The following PTGER2 variants were observed in gnomAD, a reference collection of about 807,000 sequenced individuals.
The protein encoded by PTGER2 is prostaglandin E receptor 2.
In PTGER2, 22 loss-of-function variants were observed where a neutral mutation model predicts 26.2. That is an observed-to-expected ratio of 0.84 (90% CI 0.60 to 1.20). The LOEUF is 1.20. Ranked by LOEUF, PTGER2 falls within the 50% of genes most tolerant of loss-of-function variation. The pLI, the probability that PTGER2 is intolerant of heterozygous loss-of-function variation, is 0.00. For missense variants in PTGER2, 458 were observed against 475.2 expected (o/e 0.96, Z 0.34); for synonymous variants, 219 against 208.9 (o/e 1.05, Z -0.42).
chr14:52,323,494 C>A (rs890067826), intron 1 of PTGER2, among the ~76,000 whole-genome samples: 1 of 152,082 alleles, frequency 6.6e-6, no homozygotes, highest in Non-Finnish European at 1.5e-5. Context: ...CCTCAGGTGA[C>A]CTGCCTGCCT....
Position 52,314,369 on chromosome 14 carries a change from G to T in PTGER2, c.-180G>T. The T allele has an allele frequency of 1.5e-6, 1 of 670,172 alleles. No homozygotes were observed. Among genetic ancestry groups the T allele is most frequent in the Non-Finnish European group, 2.1e-6 (1 of 476,526 alleles). The allele number at this position is 670,172 out of a possible 1,614,324, so 41.5% of individuals were successfully genotyped here. A position where few individuals can be genotyped will look rare whatever the true frequency, so the allele number is the denominator to read the frequency against. ...GGATGCAGCAGCCGAGCCGCCACTC[G>T]GCGCGCGGCGGGAGACCCAGGGCAA... On this transcript the variant is annotated 5_prime_UTR_variant, in exon 1 of 2. Coordinates refer to ENST00000245457, the MANE Select transcript of PTGER2 (RefSeq NM_000956.4). The surrounding 1 kb of genome is among the most constrained non-coding windows in gnomAD (Gnocchi z 5.7).
In PTGER2 at chr14:52,315,337, C is replaced by T. The variant is rs768240964; in HGVS notation, c.789C>T (p.Leu263=). The change falls in exon 1 of 2, where the codon CTC becomes CTT. Residue 263 remains leucine, a synonymous_variant. Coordinates refer to ENST00000245457, the MANE Select transcript of PTGER2 (RefSeq NM_000956.4). ...RVSMAEETDH[L]ILLAIMTITF... is the part of the protein sequence containing the mutation. ...CCATGGCGGAGGAGACGGACCACCT[C>T]ATTCTCCTGGCTATCATGACCATCA... The T allele has an allele frequency of 1.2e-6, 2 of 1,613,404 alleles. No homozygotes were observed. The highest frequency in any genetic ancestry group is 1.7e-5 in the Admixed American group (1 of 59,980).
intron 1 of PTGER2, among the ~76,000 whole-genome samples, chr14:52,321,030 C>A (rs2033889422): frequency 6.6e-6 from 1 of 152,166 alleles, no homozygotes; most frequent in South Asian, 2.1e-4. Context: ...TTAAGAGCCA[C>A]CATCTTGGAA....
chr14:52,315,634 G>C (rs1400914634), intron 1 of PTGER2, among the ~76,000 whole-genome samples: 4 of 151,952 alleles, frequency 2.6e-5, no homozygotes, highest in Non-Finnish European at 5.9e-5. Context: ...CGTCCGAAAG[G>C]GAGTCCTGGG....
At chr14:52,319,426 A>G (rs562989008) in intron 1 of PTGER2, among the ~76,000 whole-genome samples, 17 of 152,362 alleles carry the variant, frequency 1.1e-4, no homozygotes, top group African/African-American at 4.1e-4. Flanking sequence ...TTAAGTGACC[A>G]AAAACCATGT....
At chr14:52,320,486 G>C (rs114905919) in intron 1 of PTGER2, among the ~76,000 whole-genome samples, 1,685 of 152,070 alleles carry the variant, frequency 0.011, 32 homozygotes, top group African/African-American at 0.038. Context: ...TTTCTTCTTT[G>C]GCATATCAAA....
At chr14:52,326,304 G>A (rs886727940) in intron 1 of PTGER2, among the ~76,000 whole-genome samples, 1 of 152,222 alleles carries the variant, frequency 6.6e-6, no homozygotes, top group African/African-American at 2.4e-5. Flanking sequence ...CATCAGGAGA[G>A]TTGGAATTTG....
At position 52,315,369 on chromosome 14, in the gene PTGER2, C is replaced by T. The variant is rs760988317; in HGVS notation, c.821C>T (p.Ala274Val). 1.2e-6 allele frequency: 2 copies of T among 1,613,352 alleles called. No individual in the cohort carries two copies. The highest frequency in any genetic ancestry group is 8.5e-7 in the Non-Finnish European group (1 of 1,179,992). Reference sequence around the variant, plus strand: ...CTGGCTATCATGACCATCACCTTCGCCGTCTGCTCCTTGCCTTTCACGGTA... The same window carrying T: ...CTGGCTATCATGACCATCACCTTCGTCGTCTGCTCCTTGCCTTTCACGGTA... ...ILLAIMTITF[A>V]VCSLPFTIFA... Residue 274 changes from alanine to valine, a missense_variant, in exon 1 of 2, where the codon GCC becomes GTC. Coordinates refer to ENST00000245457, the MANE Select transcript of PTGER2 (RefSeq NM_000956.4).
chr14:52,320,510 A>G (rs191111012), intron 1 of PTGER2, among the ~76,000 whole-genome samples: 1 of 152,300 alleles, frequency 6.6e-6, no homozygotes, highest in East Asian at 1.9e-4. Context: ...CAATCACAGT[A>G]TTAAGTTTAA....
chr14:52,314,587 C>A lies in PTGER2; in HGVS notation c.39C>A (p.Cys13Ter). ...NASNDSQSED[C>*]ETRQWLPPGE... The stretch of plus-strand genomic sequence containing the variant: ...CCAATGACTCCCAGTCTGAGGACTG[C>A]GAGACGCGACAGTGGCTTCCCCCAG... The change falls in exon 1 of 2, where the codon TGC (cysteine) becomes TGA (stop). Residue 13 changes from cysteine to a stop codon, truncating the protein, a stop_gained. Transcript: ENST00000245457. LOFTEE classifies it high-confidence loss of function. This position sits in a 1 kb window ranked among gnomAD's most constrained non-coding sequence, Gnocchi z 5.7. The A allele has an allele frequency of 6.6e-7, 1 of 1,508,826 alleles. No individual in the cohort carries two copies. Among genetic ancestry groups the A allele is most frequent in the Non-Finnish European group, 8.9e-7 (1 of 1,128,288 alleles). 93.5% of individuals were successfully genotyped at this position (1,508,826 alleles called of 1,614,324 possible).
rs1244735506 is a variant in PTGER2 at position 52,314,361 on chromosome 14, C to G, written c.-188C>G. ...CGCCGCTCGGATGCAGCAGCCGAGC[C>G]GCCACTCGGCGCGCGGCGGGAGACC... On this transcript the variant is annotated 5_prime_UTR_variant, in exon 1 of 2. Transcript: ENST00000245457. The surrounding 1 kb of genome is among the most constrained non-coding windows in gnomAD (Gnocchi z 5.7). 2 of 597,822 alleles carry G rather than the reference C, an allele frequency of 3.3e-6. No homozygotes were observed. The highest frequency in any genetic ancestry group is 1.9e-5 in the African/African-American group (1 of 52,022). The allele number at this position is 597,822 out of a possible 1,614,324, so 37.0% of individuals were successfully genotyped here.
rs557646384 is a variant in PTGER2 at position 52,322,098 on chromosome 14, C to T, written c.844-5123C>T. Among the ~76,000 whole-genome samples, 23 of 152,224 alleles carry T rather than the reference C, an allele frequency of 1.5e-4. No homozygotes were observed. In the East Asian group the frequency reaches 2.3e-3, roughly 15 times the overall value. On this transcript the variant is annotated intron_variant, in intron 1 of 1. Coordinates refer to ENST00000245457, the MANE Select transcript of PTGER2 (RefSeq NM_000956.4). Reference sequence around the variant, plus strand: ...TAATTAAGTTGGAGTCTCTGGGTATCGGGGGAACTCACCCCCAATATTTCA... The same window carrying T: ...TAATTAAGTTGGAGTCTCTGGGTATTGGGGGAACTCACCCCCAATATTTCA...
intron 1 of PTGER2, among the ~76,000 whole-genome samples, chr14:52,326,220 G>C (rs370540654): frequency 6.6e-6 from 1 of 152,200 alleles, no homozygotes; most frequent in East Asian, 1.9e-4. Flanking sequence ...CAGCTTTCCA[G>C]TGTTCAGGAC....
In PTGER2 at chr14:52,314,380, G is replaced by C. The variant is rs1163183399; in HGVS notation, c.-169G>C. 4 of 753,180 alleles carry C rather than the reference G, an allele frequency of 5.3e-6. No homozygotes were observed. The highest frequency in any genetic ancestry group is 3.6e-5 in the African/African-American group (2 of 54,894). 46.7% of individuals were successfully genotyped at this position (753,180 alleles called of 1,614,324 possible). On this transcript the variant is annotated 5_prime_UTR_variant, in exon 1 of 2. Transcript: ENST00000245457. This position sits in a 1 kb window ranked among gnomAD's most constrained non-coding sequence, Gnocchi z 5.7. ...CCGAGCCGCCACTCGGCGCGCGGCG[G>C]GAGACCCAGGGCAAGCCGCCGTCGG...
chr14:52,316,244 T>A (rs2033839546), intron 1 of PTGER2, among the ~76,000 whole-genome samples: 1 of 152,154 alleles, frequency 6.6e-6, no homozygotes, highest in Admixed American at 6.5e-5. Flanking sequence ...TGGGGCTACC[T>A]GGGGAACTGA....
At chr14:52,321,336 A>G (rs973505860) in intron 1 of PTGER2, among the ~76,000 whole-genome samples, 1 of 152,232 alleles carries the variant, frequency 6.6e-6, no homozygotes, top group African/African-American at 2.4e-5. Context: ...GCAGGTAAAC[A>G]TATAACAATC....
intron 1 of PTGER2, among the ~76,000 whole-genome samples, chr14:52,324,732 T>C (rs1464299348): frequency 6.6e-6 from 1 of 152,106 alleles, no homozygotes; most frequent in African/African-American, 2.4e-5. Context: ...AGATCAAAAA[T>C]ATAGTAATCT....
rs954385813 is a variant in PTGER2 at position 52,320,425 on chromosome 14, G to A, written c.843+5034G>A. On this transcript the variant is annotated intron_variant, in intron 1 of 1. Transcript: ENST00000245457. The stretch of plus-strand genomic sequence containing the variant: ...TGGGTCCTCACTGCTATCTCAGATG[G>A]TTTAGACCAGGTCCTCAGCTTAAAG... 2.0e-5 allele frequency among the ~76,000 whole-genome samples: 3 copies of A among 152,174 alleles called. No homozygotes were observed. In the East Asian group the frequency reaches 5.8e-4, roughly 29 times the overall value.
At chr14:52,315,486 T>C in intron 1 of PTGER2, 95 bp downstream of exon 1, 2 of 1,475,474 alleles carry the variant, frequency 1.4e-6, no homozygotes, top group Non-Finnish European at 9.1e-7. Flanking sequence ...CTACAAACTT[T>C]TTGCAACTTG....
Sources: allele counts gnomAD v4.1 joint callset (sites outside exome capture counted in the v4.1 genomes callset), GRCh38; gene constraint gnomAD v4.1.1; non-coding constraint Gnocchi (gnomAD v3.1); transcripts MANE v1.5; gene names NCBI Gene and HGNC (gene_info 2026-07-23, HGNC 2026-07-21).